The following RAP1GAP2 variants were observed in gnomAD, a reference collection of about 807,000 sequenced individuals.
The protein encoded by RAP1GAP2 is rap1 GTPase-activating protein 2.
In RAP1GAP2, 27 loss-of-function variants were observed where a neutral mutation model predicts 95.0. The observed-to-expected ratio is 0.28, with a 90% CI of 0.21 to 0.39. The LOEUF is 0.39. Among genes scored for constraint, RAP1GAP2 ranks in the 10% least tolerant of loss-of-function variants. The probability of loss-of-function intolerance (pLI) is 1.00; values close to 1 mark genes in which losing one functional copy is unlikely to be tolerated. For synonymous variants in RAP1GAP2, 373 were observed against 380.9 expected (o/e 0.98, Z 0.24); for missense variants, 771 against 970.0 (o/e 0.79, Z 2.72).
chr17:2,881,602 A>G lies in RAP1GAP2; in HGVS notation c.81-23682A>G, dbSNP rs8068011. 8.4e-3 allele frequency among the ~76,000 whole-genome samples: 1,276 copies of G among 152,250 alleles called. 19 individuals are homozygous for G. The highest frequency in any genetic ancestry group is 0.028 in the African/African-American group (1,152 of 41,536). ...TGTGATCATTGTGAATAGTGTTGCT[A>G]TGAACACTTGTGTACATGTTTTTGT... On this transcript the variant is annotated intron_variant, in intron 2 of 24. Coordinates refer to ENST00000254695, the MANE Select transcript of RAP1GAP2 (RefSeq NM_015085.5).
chr17:2,927,919 T>G (rs2043020907), intron 3 of RAP1GAP2, among the ~76,000 whole-genome samples: 1 of 152,214 alleles, frequency 6.6e-6, no homozygotes, highest in African/African-American at 2.4e-5. Flanking sequence ...GTCCTTGCCC[T>G]GATCCCACGA....
At chr17:2,796,156 G>T (rs1441393937), upstream of RAP1GAP2, among the ~76,000 whole-genome samples, 2 of 152,158 alleles carry the variant, frequency 1.3e-5, no homozygotes, top group African/African-American at 2.4e-5. This position sits in a 1 kb window ranked among gnomAD's most constrained non-coding sequence, Gnocchi z 4.7. Flanking sequence ...CCTAGGCGTG[G>T]CTGTGGGAAT....
At chr17:2,976,827 G>A (rs917127229) in intron 8 of RAP1GAP2, among the ~76,000 whole-genome samples, 1 of 152,042 alleles carries the variant, frequency 6.6e-6, no homozygotes, top group Non-Finnish European at 1.5e-5. Context: ...AAACTGATAA[G>A]GGAAAACAAG....
At chr17:2,905,263 C>G (rs1480610246) in intron 2 of RAP1GAP2, 21 bp from the exon 3 acceptor site, 8 of 1,611,918 alleles carry the variant, frequency 5.0e-6, no homozygotes, top group Non-Finnish European at 6.8e-6. Context: ...TCCTCACTCA[C>G]CTCTTTTGGC....
Position 2,864,576 on chromosome 17 carries a change from T to C in RAP1GAP2, c.81-40708T>C, listed in dbSNP as rs564035706. Among the ~76,000 whole-genome samples the C allele has an allele frequency of 5.8e-4, 88 of 152,276 alleles. 1 individual carries two copies. The highest frequency in any genetic ancestry group is 2.0e-3 in the African/African-American group (84 of 41,562). ...ACACCTTTGCTACCTGCCCCTTCCC[T>C]GAAGGACGGGACGTACGGTGTGGGG... is the stretch of plus-strand genomic sequence containing the variant. On this transcript the variant is annotated intron_variant, in intron 2 of 24. Coordinates refer to ENST00000254695, the MANE Select transcript of RAP1GAP2 (RefSeq NM_015085.5).
chr17:2,965,602 C>G lies in RAP1GAP2; in HGVS notation c.555C>G (p.Cys185Trp). The G allele has an allele frequency of 6.2e-7, 1 of 1,612,354 alleles. No individual in the cohort carries two copies. The highest frequency in any genetic ancestry group is 8.5e-7 in the Non-Finnish European group (1 of 1,179,392). Residue 185 changes from cysteine (C) to tryptophan (W), a missense_variant, in exon 8 of 25, where the codon TGC becomes TGG. Coordinates refer to ENST00000254695, the MANE Select transcript of RAP1GAP2 (RefSeq NM_015085.5). This position sits in a 1 kb window ranked among gnomAD's most constrained non-coding sequence, Gnocchi z 4.7. Reference protein sequence around the residue: ...SLGNLILSVKCEEAEGIEYLR... With the variant: ...SLGNLILSVKWEEAEGIEYLR... ...GGAACTTGATCCTGTCCGTCAAGTG[C>G]GAGGAAGCAGAGGGGATCGAGTACC...
chr17:2,967,423 G>A (rs979144832), intron 8 of RAP1GAP2, among the ~76,000 whole-genome samples: 8 of 152,244 alleles, frequency 5.3e-5, no homozygotes, highest in Middle Eastern at 3.4e-3. Flanking sequence ...AAGCAATGTC[G>A]TATGGGAATA....
At chr17:2,881,376 G>T (rs1020127922) in intron 2 of RAP1GAP2, among the ~76,000 whole-genome samples, 2 of 152,172 alleles carry the variant, frequency 1.3e-5, no homozygotes, top group African/African-American at 4.8e-5. Context: ...GATTTGGGAT[G>T]CTCAGTGTGT....
At chr17:3,014,286 G>C (rs151118981) in intron 17 of RAP1GAP2, among the ~76,000 whole-genome samples, 1,561 of 152,350 alleles carry the variant, frequency 0.01, 22 homozygotes, top group African/African-American at 0.034. Flanking sequence ...TGTGCAGCAG[G>C]TTCCTTTACT....
chr17:2,915,707 TA>T (rs2042546282), intron 3 of RAP1GAP2, among the ~76,000 whole-genome samples: 1 of 151,118 alleles, frequency 6.6e-6, no homozygotes, highest in African/African-American at 2.5e-5. Flanking sequence ...TATTTTTATT[TA>T]TTTTTTTTGA....
At chr17:2,893,672 C>G (rs531607422) in intron 2 of RAP1GAP2, among the ~76,000 whole-genome samples, 19 of 152,348 alleles carry the variant, frequency 1.2e-4, no homozygotes, top group African/African-American at 4.6e-4. Context: ...AGGCCGTGAC[C>G]TTGTGCGCTG....
At chr17:2,979,870 CT>C (rs763586753) in intron 8 of RAP1GAP2, among the ~76,000 whole-genome samples, 5 of 152,052 alleles carry the variant, frequency 3.3e-5, no homozygotes, top group Non-Finnish European at 1.5e-5. Context: ...CCGATCTGGC[CT>C]CAGAGAATCC....
chr17:2,849,286 C>A (rs1275529641), intron 2 of RAP1GAP2, among the ~76,000 whole-genome samples: 2 of 152,188 alleles, frequency 1.3e-5, no homozygotes, highest in Admixed American at 1.3e-4. Flanking sequence ...CCCCCACCCA[C>A]CCCCAATCCC....
chr17:2,919,459 A>G (rs908578038), intron 3 of RAP1GAP2, among the ~76,000 whole-genome samples: 1 of 152,192 alleles, frequency 6.6e-6, no homozygotes, highest in African/African-American at 2.4e-5. Context: ...TGTCCCTATC[A>G]TAAGTTTCTT....
chr17:3,025,078 T>C (rs1020469132), intron 19 of RAP1GAP2, among the ~76,000 whole-genome samples: 1 of 150,962 alleles, frequency 6.6e-6, no homozygotes, highest in Non-Finnish European at 1.5e-5. Context: ...ACACTATTAT[T>C]TAAAAAGTAC....
chr17:3,011,227 C>T (rs2151621926), intron 17 of RAP1GAP2, among the ~76,000 whole-genome samples: 1 of 152,298 alleles, frequency 6.6e-6, no homozygotes, highest in South Asian at 2.1e-4. Flanking sequence ...CGCGCCCGGC[C>T]ATTTGTGACC....
At chr17:3,020,004 G>A (rs2046901758) in intron 18 of RAP1GAP2, among the ~76,000 whole-genome samples, 2 of 152,300 alleles carry the variant, frequency 1.3e-5, no homozygotes, top group South Asian at 4.1e-4. Flanking sequence ...TTATTGGAAC[G>A]CCTGCGCGGC....
chr17:2,774,001 G>A (rs150272163), upstream of RAP1GAP2, among the ~76,000 whole-genome samples: 260 of 152,142 alleles, frequency 1.7e-3, no homozygotes, highest in African/African-American at 5.9e-3. Flanking sequence ...CAGGTGATCT[G>A]CCTGCCTCGG....
chr17:2,884,373 T>TTG (rs1555561034), intron 2 of RAP1GAP2, among the ~76,000 whole-genome samples: 1,288 of 93,186 alleles, frequency 0.014, 15 homozygotes, highest in Non-Finnish European at 0.022. Context: ...TCTTGAGTTG[T>TTG]TTTTTTTTTT....
Sources: allele counts gnomAD v4.1 joint callset (sites outside exome capture counted in the v4.1 genomes callset), GRCh38; gene constraint gnomAD v4.1.1; non-coding constraint Gnocchi (gnomAD v3.1); transcripts MANE v1.5; gene names NCBI Gene and HGNC (gene_info 2026-07-23, HGNC 2026-07-21).